The following CA10 variants were observed in gnomAD, a reference collection of about 807,000 sequenced individuals.
The protein encoded by CA10 is carbonic anhydrase 10 (inactive), also known as carbonic anhydrase-related protein 10.
In CA10, 14 loss-of-function variants were observed where a neutral mutation model predicts 44.2. The observed-to-expected ratio is 0.32, with a 90% confidence interval of 0.21 to 0.50. The LOEUF (loss-of-function observed/expected upper bound fraction) is 0.50. Ranked by LOEUF, CA10 falls within the 20% of genes least tolerant of loss-of-function variation. CA10 has a pLI of 0.99. For synonymous variants in CA10, 159 were observed against 141.6 expected, an observed-to-expected ratio of 1.12 and a Z score of -0.87; for missense variants, 350 against 409.7, an observed-to-expected ratio of 0.85 and a Z score of 1.26.
intron 4 of CA10, among the ~76,000 whole-genome samples, chr17:51,709,067 C>G (rs569348619): frequency 3.9e-5 from 6 of 152,130 alleles, no homozygotes; most frequent in Non-Finnish European, 7.3e-5. Flanking sequence ...CCTATTAGTT[C>G]TGTCCCTTCA....
At chr17:52,103,286 G>C (rs1598216057) in intron 1 of CA10, among the ~76,000 whole-genome samples, 1 of 152,130 alleles carries the variant, frequency 6.6e-6, no homozygotes, top group Non-Finnish European at 1.5e-5. Flanking sequence ...GATAATTAAG[G>C]CTTTTCAGTG....
At position 52,128,599 on chromosome 17, in the gene CA10, A is replaced by G. The variant is rs577939976; in HGVS notation, c.61+29127T>C. 6.6e-5 allele frequency among the ~76,000 whole-genome samples: 10 copies of G among 152,216 alleles called. No homozygotes were observed. The East Asian group carries it at 9.7e-4, about 15-fold the overall frequency. ...TCTTTATGGCCCATTCTCACACGAC[A>G]CCACTGATGCAGGATCTGATGTCTT... On this transcript the variant is annotated intron_variant, in intron 1 of 8. Coordinates refer to ENST00000451037, the MANE Select transcript of CA10 (RefSeq NM_020178.5).
At chr17:51,907,936 C>T (rs766689544) in intron 3 of CA10, among the ~76,000 whole-genome samples, 20 of 152,274 alleles carry the variant, frequency 1.3e-4, no homozygotes, top group Non-Finnish European at 2.4e-4. Context: ...ATAAGGTTCA[C>T]CAGTGCTTAG....
intron 3 of CA10, among the ~76,000 whole-genome samples, chr17:51,834,396 T>G (rs1908399074): frequency 6.6e-6 from 1 of 152,252 alleles, no homozygotes; most frequent in Non-Finnish European, 1.5e-5. Context: ...TGGACCTGCC[T>G]CCTTCCTCAG....
intron 4 of CA10, among the ~76,000 whole-genome samples, chr17:51,673,641 C>T (rs1914508256): frequency 6.6e-6 from 1 of 152,222 alleles, no homozygotes; most frequent in East Asian, 1.9e-4. Context: ...CTCAAGTACT[C>T]TCACCTTATT....
chr17:51,992,886 A>T (rs1000538450), intron 2 of CA10, among the ~76,000 whole-genome samples: 1 of 152,132 alleles, frequency 6.6e-6, no homozygotes, highest in Non-Finnish European at 1.5e-5. Flanking sequence ...CTTTTCAATT[A>T]TCAAGATTTA....
At chr17:52,028,492 C>T (rs1024368021) in intron 2 of CA10, among the ~76,000 whole-genome samples, 6 of 152,176 alleles carry the variant, frequency 3.9e-5, no homozygotes, top group African/African-American at 1.4e-4. Flanking sequence ...TACTGAAAAC[C>T]TTTTAAAGGT....
intron 4 of CA10, among the ~76,000 whole-genome samples, chr17:51,735,621 C>A (rs141196589): frequency 6.6e-6 from 1 of 152,034 alleles, no homozygotes; most frequent in Admixed American, 6.5e-5. Context: ...TAAAAACAAC[C>A]ATTTTTGAGC....
chr17:51,747,277 G>A (rs1273028286), intron 4 of CA10, among the ~76,000 whole-genome samples: 3 of 152,218 alleles, frequency 2.0e-5, no homozygotes, highest in Non-Finnish European at 4.4e-5. Context: ...TATGTGACAC[G>A]TGAGAGGCTG....
chr17:51,763,538 C>G (rs1905272481), intron 3 of CA10: 1 of 152,214 alleles, frequency 6.6e-6, no homozygotes, highest in Admixed American at 6.5e-5. Context: ...CCCAGAGGGT[C>G]CAAATGAAAT....
intron 4 of CA10, among the ~76,000 whole-genome samples, chr17:51,709,648 T>C (rs559813571): frequency 1.3e-5 from 2 of 152,362 alleles, no homozygotes; most frequent in African/African-American, 2.4e-5. Context: ...TGGAACTTAC[T>C]AGACAGAATA....
intron 3 of CA10, among the ~76,000 whole-genome samples, chr17:51,805,997 GAGGAAGGAAAGAGCTTGGCCC>G (rs954249254): frequency 7.2e-5 from 11 of 152,214 alleles, no homozygotes; most frequent in Middle Eastern, 3.2e-3. Context: ...CTAGGGCTTG[GAGGAAGGAAAGAGCTTGGCCC>G]AGGAGCAGAA....
chr17:51,692,427 T>C (rs979664266), intron 4 of CA10, among the ~76,000 whole-genome samples: 3 of 65,528 alleles, frequency 4.6e-5, no homozygotes, highest in African/African-American at 1.0e-4. Context: ...ATCTATCTAT[T>C]TTACCATTTA....
intron 2 of CA10, among the ~76,000 whole-genome samples, chr17:51,987,621 C>A (rs1984889526): frequency 6.6e-6 from 1 of 151,774 alleles, no homozygotes; most frequent in Admixed American, 6.6e-5. Context: ...TCAGAATATT[C>A]TATGTGCCAG....
intron 4 of CA10, among the ~76,000 whole-genome samples, chr17:51,657,444 A>C (rs549622661): frequency 6.6e-6 from 1 of 152,202 alleles, no homozygotes; most frequent in South Asian, 2.1e-4. Flanking sequence ...CCCAATACCC[A>C]CTAACCACTC....
At chr17:52,064,806 A>G (rs1302398971) in intron 2 of CA10, among the ~76,000 whole-genome samples, 1 of 152,204 alleles carries the variant, frequency 6.6e-6, no homozygotes, top group Non-Finnish European at 1.5e-5. Context: ...GCTAGGTCCA[A>G]TGCTGATCAG....
intron 3 of CA10, among the ~76,000 whole-genome samples, chr17:51,893,693 T>C (rs1980955544): frequency 6.6e-6 from 1 of 152,100 alleles, no homozygotes; most frequent in Admixed American, 6.6e-5. Flanking sequence ...CCATGAAGAA[T>C]TAAAAGGCTT....
intron 3 of CA10, among the ~76,000 whole-genome samples, chr17:51,754,500 G>A (rs974379914): frequency 6.9e-6 from 1 of 144,124 alleles, no homozygotes; most frequent in African/African-American, 2.6e-5. Flanking sequence ...TATGGACATT[G>A]GCAAGTCCAA....
intron 4 of CA10, among the ~76,000 whole-genome samples, chr17:51,715,476 G>A (rs1159808886): frequency 1.3e-5 from 2 of 151,904 alleles, no homozygotes; most frequent in South Asian, 2.1e-4. Context: ...ATATTTTTGG[G>A]CTACATGAGA....
Sources: allele counts gnomAD v4.1 joint callset (sites outside exome capture counted in the v4.1 genomes callset), GRCh38; gene constraint gnomAD v4.1.1; transcripts MANE v1.5; gene names NCBI Gene and HGNC (gene_info 2026-07-23, HGNC 2026-07-21).